WDR7: variants seen among roughly 807,000 people sequenced by gnomAD.
WDR7 encodes WD repeat domain 7.
A neutral mutation model predicts 169.4 loss-of-function variants in WDR7; 46 were observed. The observed-to-expected ratio is 0.27, with a 90% CI of 0.21 to 0.35. The LOEUF (loss-of-function observed/expected upper bound fraction) is 0.35. Ranked by LOEUF, WDR7 falls within the 10% of genes least tolerant of loss-of-function variation. The pLI, the probability that WDR7 is intolerant of heterozygous loss-of-function variation, is 1.00. For missense variants in WDR7, 1,534 were observed against 1,859.3 expected, an observed-to-expected ratio of 0.83 and a Z score of 3.22; for synonymous variants, 612 against 666.8, an observed-to-expected ratio of 0.92 and a Z score of 1.27.
At chr18:56,757,789 T>C (rs1273826563) in intron 15 of WDR7, among the ~76,000 whole-genome samples, 1 of 151,934 alleles carries the variant, frequency 6.6e-6, no homozygotes, top group Non-Finnish European at 1.5e-5. Flanking sequence ...CTGAGCAGCA[T>C]AGACCCTGCC....
intron 20 of WDR7, among the ~76,000 whole-genome samples, chr18:56,874,338 T>C (rs185587780): frequency 6.6e-6 from 1 of 152,280 alleles, no homozygotes; most frequent in East Asian, 1.9e-4. Context: ...ACCATAGCTA[T>C]CACAGATTGG....
chr18:56,949,641 A>G (rs2047153621), intron 25 of WDR7, among the ~76,000 whole-genome samples: 1 of 152,232 alleles, frequency 6.6e-6, no homozygotes, highest in African/African-American at 2.4e-5. Context: ...CCAAAACTCA[A>G]CATGTGATTG....
chr18:56,691,880 T>A, intron 9 of WDR7, 63 bp downstream of exon 9: 1 of 1,339,118 alleles, frequency 7.5e-7, no homozygotes, highest in Non-Finnish European at 1.0e-6. Context: ...ACAACTGTAT[T>A]TATTGTCTTG....
At chr18:56,767,835 C>T (rs543568292) in intron 16 of WDR7, among the ~76,000 whole-genome samples, 1 of 152,236 alleles carries the variant, frequency 6.6e-6, no homozygotes, top group South Asian at 2.1e-4. Context: ...TAGGACACAA[C>T]CAGCACTTTT....
At chr18:56,796,674 A>G (rs1381779674) in intron 19 of WDR7, among the ~76,000 whole-genome samples, 1 of 152,198 alleles carries the variant, frequency 6.6e-6, no homozygotes, top group Non-Finnish European at 1.5e-5. Context: ...ATGTAATAAT[A>G]CACAAGAAGA....
chr18:56,767,675 A>C (rs1200839454), intron 16 of WDR7, among the ~76,000 whole-genome samples: 2 of 152,174 alleles, frequency 1.3e-5, no homozygotes, highest in Non-Finnish European at 2.9e-5. Context: ...TTATTTAAAA[A>C]TGTTCCAAAT....
chr18:56,927,767 T>G (rs537971928), intron 22 of WDR7, among the ~76,000 whole-genome samples: 2 of 152,336 alleles, frequency 1.3e-5, no homozygotes, highest in African/African-American at 2.4e-5. Context: ...TCAAGCATAT[T>G]GTATAATTAA....
chr18:56,708,539 A>G (rs1015210845), intron 12 of WDR7, among the ~76,000 whole-genome samples: 2 of 152,202 alleles, frequency 1.3e-5, no homozygotes, highest in African/African-American at 4.8e-5. Flanking sequence ...AACTCCCTGA[A>G]TGTGTGCAGC....
chr18:56,927,651 T>C (rs1473888960), intron 22 of WDR7, among the ~76,000 whole-genome samples: 1 of 152,142 alleles, frequency 6.6e-6, no homozygotes, highest in Non-Finnish European at 1.5e-5. Context: ...TGGTTACCCC[T>C]TTATTTTAGA....
chr18:56,687,669 C>G (rs1197519159), intron 7 of WDR7, among the ~76,000 whole-genome samples: 1 of 152,094 alleles, frequency 6.6e-6, no homozygotes, highest in Non-Finnish European at 1.5e-5. Flanking sequence ...TTCTGTAGCC[C>G]AGGCTGGAGT....
intron 1 of WDR7, among the ~76,000 whole-genome samples, chr18:56,656,418 T>C (rs1403940724): frequency 6.6e-6 from 1 of 151,832 alleles, no homozygotes; most frequent in African/African-American, 2.4e-5. Context: ...TAGCTGGGAC[T>C]ACAAGCGCAT....
Position 56,879,995 on chromosome 18 carries a change from A to G in WDR7, c.3356A>G (p.Glu1119Gly). Residue 1119 changes from glutamate (E) to glycine (G), a missense_variant, in exon 21 of 28, where the codon GAA becomes GGA. Physicochemically the swap from Glu to Gly is moderately conservative, Grantham distance 98. Transcript: ENST00000254442. ...QMKKISTSYEERRKQATAIVL... is the reference protein window; with the variant it reads ...QMKKISTSYEGRRKQATAIVL... ...AAAAAAATTTCTACATCTTACGAGG[A>G]AAGACGGAAGCAAGCTACCGCTATT... The G allele has an allele frequency of 1.2e-6, 2 of 1,614,120 alleles. No individual in the cohort carries two copies. Among genetic ancestry groups the G allele is most frequent in the Non-Finnish European group, 1.7e-6 (2 of 1,179,994 alleles).
At chr18:56,762,583 T>C (rs538347314) in intron 16 of WDR7, among the ~76,000 whole-genome samples, 1 of 152,228 alleles carries the variant, frequency 6.6e-6, no homozygotes, top group African/African-American at 2.4e-5. Flanking sequence ...TTAATCTCTC[T>C]GGTATCTGTA....
intron 20 of WDR7, among the ~76,000 whole-genome samples, chr18:56,830,349 A>AT (rs35695158): frequency 1.3e-5 from 2 of 152,166 alleles, no homozygotes; most frequent in Non-Finnish European, 2.9e-5. Flanking sequence ...TTCATGATGA[A>AT]TTTTTTTAAA....
chr18:56,670,106 C>T (rs1172557736), intron 1 of WDR7, among the ~76,000 whole-genome samples: 2 of 151,814 alleles, frequency 1.3e-5, no homozygotes, highest in Non-Finnish European at 2.9e-5. Context: ...CTAATTTGCC[C>T]TTTTTTTTGT....
chr18:56,685,936 T>C lies in WDR7; in HGVS notation c.521-20T>C. On this transcript the variant is annotated intron_variant, in intron 5 of 27. Transcript: ENST00000254442. ...TTATGTTCGTAACCTGGGCTGCTTT[T>C]TTGTCCCTTCTCATTTTAGAGGACA... The C allele has an allele frequency of 6.3e-7, 1 of 1,593,648 alleles. No individual in the cohort carries two copies.
At chr18:56,679,526 T>C in intron 3 of WDR7, 88 bp downstream of exon 3, 1 of 787,874 alleles carries the variant, frequency 1.3e-6, no homozygotes, top group Non-Finnish European at 1.9e-6. Context: ...TTTTTTTTTC[T>C]TTTAGAATAT....
chr18:56,838,969 A>G (rs955857985), intron 20 of WDR7, among the ~76,000 whole-genome samples: 14 of 152,210 alleles, frequency 9.2e-5, no homozygotes, highest in African/African-American at 3.1e-4. Context: ...TTTAAAGATT[A>G]TTAAGGCTTC....
intron 19 of WDR7, among the ~76,000 whole-genome samples, chr18:56,802,106 T>A (rs1356529743): frequency 6.6e-6 from 1 of 152,226 alleles, no homozygotes; most frequent in Admixed American, 6.5e-5. Flanking sequence ...TCTGCATCTT[T>A]GTCAGCATCT....
Sources: gnomAD v4.1 joint callset for allele counts (sites outside exome capture counted in the v4.1 genomes callset) on GRCh38, gnomAD v4.1.1 for gene constraint, MANE v1.5 for transcripts, NCBI Gene and HGNC (gene_info 2026-07-23, HGNC 2026-07-21) for gene names.